Variants in CFAP46 observed in about 807,000 individuals in gnomAD.
CFAP46 encodes cilia and flagella associated protein 46, also known as cilia- and flagella-associated protein 46.
A neutral mutation model predicts 325.7 loss-of-function variants in CFAP46; 245 were observed. That is an observed-to-expected ratio of 0.75 (90% CI 0.68 to 0.84). CFAP46 has a LOEUF of 0.84. CFAP46 is among the 40% of genes least tolerant of loss of function. CFAP46 has a pLI of 0.00. For synonymous variants in CFAP46, 1,523 were observed against 1,495.9 expected, an observed-to-expected ratio of 1.02 and a Z score of -0.42; for missense variants, 3,346 against 3,543.0, an observed-to-expected ratio of 0.94 and a Z score of 1.41.
chr10:132,913,248 C>G lies in CFAP46; in HGVS notation c.2131G>C (p.Glu711Gln), dbSNP rs943095797. 3 of 1,550,226 alleles carry G rather than the reference C, an allele frequency of 1.9e-6. No homozygotes were observed. Among genetic ancestry groups the G allele is most frequent in the South Asian group, 2.4e-5 (2 of 84,048 alleles). The change falls in exon 18 of 58, where the codon GAG (glutamate) becomes CAG (glutamine). Residue 711 changes from glutamate to glutamine, a missense_variant. Physicochemically the swap from Glu to Gln is conservative, Grantham distance 29. Transcript: ENST00000368586. ...AEWITYRTWI[E>Q]SLSRCAMNNW... ...TTCATGGCACACCGGGACAGACTCT[C>G]GATCCAGGTTCTGCAAAACGAGCAC...
At position 132,899,672 on chromosome 10, in the gene CFAP46, G is replaced by T; in HGVS notation, c.2925-6C>A. 6.5e-7 allele frequency: 1 copy of T among 1,547,350 alleles called. No individual in the cohort carries two copies. The highest frequency in any genetic ancestry group is 8.7e-7 in the Non-Finnish European group (1 of 1,145,242). On this transcript the variant is annotated splice_region_variant and splice_polypyrimidine_tract_variant and intron_variant, in intron 22 of 57. Transcript: ENST00000368586. ...CCACCAGCCGGGACTCCTCGCTGCA[G>T]GAACAGGGCCAGTGAGGAGGGAGGC...
In CFAP46 at chr10:132,860,765, G is replaced by A. The variant is rs1848710236; in HGVS notation, c.5091+17C>T. ...CCCGGCACCCGACATGCAGCCCCAG[G>A]TCCCCGTGCCTCTTACCGTAGCTTC... On this transcript the variant is annotated intron_variant, in intron 36 of 57. Transcript: ENST00000368586. 1 of 1,549,640 alleles carries A rather than the reference G, an allele frequency of 6.5e-7. No individual in the cohort carries two copies. The highest frequency in any genetic ancestry group is 8.7e-7 in the Non-Finnish European group (1 of 1,146,406).
intron 24 of CFAP46, among the ~76,000 whole-genome samples, chr10:132,894,381 T>G (rs1460106618): frequency 6.6e-6 from 1 of 152,186 alleles, no homozygotes; most frequent in African/African-American, 2.4e-5. Context: ...AGTTCACCAC[T>G]GTAAATGCTG....
intron 13 of CFAP46, among the ~76,000 whole-genome samples, chr10:132,921,081 G>A (rs1192273854): frequency 6.6e-6 from 1 of 152,216 alleles, no homozygotes; most frequent in African/African-American, 2.4e-5. Context: ...TGCAGGGCGC[G>A]ACCCACCCTG....
At chr10:132,922,787 G>T in intron 11 of CFAP46, 79 bp from the exon 12 acceptor site, 1 of 1,128,260 alleles carries the variant, frequency 8.9e-7, no homozygotes, top group Non-Finnish European at 1.3e-6. Flanking sequence ...CCAGAGGAAG[G>T]CCTGCAGTGG....
Position 132,808,599 on chromosome 10 carries a change from C to G in CFAP46, c.7970G>C (p.Arg2657Pro), listed in dbSNP as rs766366866. Reference protein sequence around the residue: ...SARDPPPATSRKAAAWTSSSA... With the variant: ...SARDPPPATSPKAAAWTSSSA... ...GCTCGAGGTCCAGGCGGCTGCCTTG[C>G]GGGAAGTCGCTGGGGGAGGGTCCCT... Residue 2657 changes from arginine to proline, a missense_variant, in exon 58 of 58, where the codon CGC becomes CCC. By Grantham distance (103) the Arg-to-Pro change is moderately radical. Transcript: ENST00000368586. The surrounding 1 kb of genome is among the most constrained non-coding windows in gnomAD (Gnocchi z 6.8). 3 of 1,612,386 alleles carry G rather than the reference C, an allele frequency of 1.9e-6. No homozygotes were observed. Among genetic ancestry groups the G allele is most frequent in the South Asian group, 2.2e-5 (2 of 91,034 alleles).
intron 38 of CFAP46, among the ~76,000 whole-genome samples, chr10:132,858,745 G>C (rs1351389557): frequency 2.6e-5 from 4 of 152,138 alleles, no homozygotes; most frequent in Non-Finnish European, 5.9e-5. Flanking sequence ...GGGGGTGGGT[G>C]GTGCTGTATG....
Position 132,813,693 on chromosome 10 carries a change from G to A in CFAP46, c.7388+459C>T, listed in dbSNP as rs527436284. On this transcript the variant is annotated intron_variant, in intron 54 of 57. Transcript: ENST00000368586. ...CACCTGCCCCTGCAGCCCCGCCCCT[G>A]CACACACCTGCCCCTGCAGCCCCGC... Among the ~76,000 whole-genome samples the A allele has an allele frequency of 3.0e-3, 455 of 149,466 alleles. 20 individuals carry two copies. The highest frequency in any genetic ancestry group is 0.011 in the African/African-American group (431 of 40,348).
chr10:132,818,109 G>A (rs1458984332), intron 50 of CFAP46, among the ~76,000 whole-genome samples: 1 of 152,182 alleles, frequency 6.6e-6, no homozygotes, highest in Non-Finnish European at 1.5e-5. Context: ...ACCCCTGGGC[G>A]GCCCGTGTCC....
intron 9 of CFAP46, 59 bp from the exon 10 acceptor site, chr10:132,926,725 A>G (rs1437419357): frequency 1.5e-5 from 18 of 1,226,538 alleles, no homozygotes; most frequent in Non-Finnish European, 2.1e-5. Flanking sequence ...AGCTGTGTAC[A>G]TTCATGAAAT....
Position 132,851,182 on chromosome 10 carries a change from CCTGCTCACT to C in CFAP46, c.5689_5697del (p.Ser1897_Gln1899del). ...TCCGCCAGCAGCTTCTCCAGGGACC[CCTGCTCACT>C]CTGCTGCCCGTGGGCCTCCTCCCAG... On this transcript the variant is annotated inframe_deletion, in exon 40 of 58. Coordinates refer to ENST00000368586, the MANE Select transcript of CFAP46 (RefSeq NM_001200049.3). 6.2e-7 allele frequency: 1 copy of C among 1,614,116 alleles called. No homozygotes were observed.
Position 132,827,975 on chromosome 10 carries a change from G to T in CFAP46, c.7117+5383C>A, listed in dbSNP as rs1848087263. Among the ~76,000 whole-genome samples, 1 of 150,894 alleles carries T rather than the reference G, an allele frequency of 6.6e-6. No homozygotes were observed. The highest frequency in any genetic ancestry group is 2.3e-4 in the South Asian group (1 of 4,296). ...TCTGAGTGAGCCCCGTCACCCCTCA[G>T]CGTAATCCTTCTGAGCCCCGTCTAC... On this transcript the variant is annotated intron_variant, in intron 50 of 57. Coordinates refer to ENST00000368586, the MANE Select transcript of CFAP46 (RefSeq NM_001200049.3). The surrounding 1 kb of genome is among the most constrained non-coding windows in gnomAD (Gnocchi z 5.7).
chr10:132,925,641 G>A (rs1355207545), intron 10 of CFAP46, among the ~76,000 whole-genome samples: 2 of 152,260 alleles, frequency 1.3e-5, no homozygotes, highest in Non-Finnish European at 1.5e-5. Context: ...CGCCTACCAC[G>A]TGTGGCACCA....
intron 11 of CFAP46, 108 bp downstream of exon 11, chr10:132,924,588 T>G: frequency 1.8e-6 from 2 of 1,122,938 alleles, no homozygotes. Flanking sequence ...GGGAGTCTGT[T>G]GCTTGTGGCA....
intron 50 of CFAP46, among the ~76,000 whole-genome samples, chr10:132,818,670 T>C (rs771787921): frequency 6.6e-6 from 1 of 152,060 alleles, no homozygotes; most frequent in African/African-American, 2.4e-5. Context: ...CTGACCAACA[T>C]AGCCAAACCC....
At chr10:132,856,629 T>G (rs1458671652) in intron 39 of CFAP46, among the ~76,000 whole-genome samples, 1 of 152,170 alleles carries the variant, frequency 6.6e-6, no homozygotes, top group African/African-American at 2.4e-5. Context: ...TGTGTTGTGG[T>G]TTTCACCCTG....
intron 24 of CFAP46, among the ~76,000 whole-genome samples, chr10:132,893,572 T>C (rs1849282606): frequency 6.6e-6 from 1 of 152,214 alleles, no homozygotes; most frequent in Non-Finnish European, 1.5e-5. Flanking sequence ...CCTGCCTTTC[T>C]CACCCTTCAA....
intron 12 of CFAP46, 99 bp from the exon 13 acceptor site, chr10:132,922,323 G>A: frequency 6.8e-7 from 1 of 1,481,296 alleles, no homozygotes; most frequent in Non-Finnish European, 9.0e-7. Context: ...GGGCCTGTGT[G>A]GTCCTCGTGC....
At chr10:132,811,158 G>T (rs985925526) in intron 55 of CFAP46, 127 bp from the exon 56 acceptor site, 1 of 779,842 alleles carries the variant, frequency 1.3e-6, no homozygotes, top group Non-Finnish European at 2.1e-6. Flanking sequence ...CTCAGCTCCG[G>T]GCTCCGACCT....
Sources: gnomAD v4.1 joint callset for allele counts (sites outside exome capture counted in the v4.1 genomes callset) on GRCh38, gnomAD v4.1.1 for gene constraint, Gnocchi (gnomAD v3.1) non-coding constraint, MANE v1.5 for transcripts, NCBI Gene and HGNC (gene_info 2026-07-23, HGNC 2026-07-21) for gene names.